The following NAT1 variants were observed in gnomAD, a reference collection of about 807,000 sequenced individuals.
NAT1 encodes the protein arylamine N-acetyltransferase 1.
For missense variants in NAT1, 400 were observed against 339.2 expected (o/e 1.18, Z -1.41); for synonymous variants, 144 against 122.6 (o/e 1.17, Z -1.16).
chr8:18,221,292 G>A (rs947931825), intron 2 of NAT1, among the ~76,000 whole-genome samples: 1 of 149,258 alleles, frequency 6.7e-6, no homozygotes, highest in Non-Finnish European at 1.5e-5. Context: ...AAATCTTAGC[G>A]AGTGTTTTTT....
chr8:18,205,607 C>T (rs1375925733), upstream of NAT1, among the ~76,000 whole-genome samples: 9 of 152,132 alleles, frequency 5.9e-5, no homozygotes, highest in Non-Finnish European at 1.0e-4. Context: ...TGGCAGGGCA[C>T]GGTGCACACA....
At chr8:18,187,509 A>AATACT (rs1365541945) in intron 2 of NAT1, among the ~76,000 whole-genome samples, 1 of 152,190 alleles carries the variant, frequency 6.6e-6, no homozygotes, top group African/African-American at 2.4e-5. Context: ...TACACCCTGG[A>AATACT]ATACTACGCA....
At chr8:18,218,183 A>G (rs891234645) in intron 1 of NAT1, among the ~76,000 whole-genome samples, 3 of 152,168 alleles carry the variant, frequency 2.0e-5, no homozygotes, top group Admixed American at 1.3e-4. Flanking sequence ...CCCGGCCACA[A>G]GACGATGTTT....
At chr8:18,188,696 C>CTTTTAGATAGATATTTAGA (rs1802845412) in intron 2 of NAT1, among the ~76,000 whole-genome samples, 1 of 150,530 alleles carries the variant, frequency 6.6e-6, no homozygotes, top group South Asian at 2.1e-4. Context: ...ATAGATATAC[C>CTTTTAGATAGATATTTAGA]TACTTTTAGA....
chr8:18,212,150 A>T (rs1228123804), intron 1 of NAT1: 3 of 152,230 alleles, frequency 2.0e-5, no homozygotes, highest in African/African-American at 7.2e-5. Context: ...GAGACCTGGA[A>T]TTGAACAATG....
chr8:18,174,036 G>C (rs1226700985), intron 2 of NAT1, among the ~76,000 whole-genome samples: 3 of 152,244 alleles, frequency 2.0e-5, no homozygotes, highest in Middle Eastern at 3.4e-3. Flanking sequence ...GTGTGTGTGA[G>C]TCATCCTCCT....
upstream of NAT1, among the ~76,000 whole-genome samples, chr8:18,207,911 T>G (rs184107223): frequency 4.0e-3 from 614 of 152,286 alleles, 4 homozygotes; most frequent in African/African-American, 0.014. Context: ...GTGGTACATA[T>G]AGACCATGGA....
intron 2 of NAT1, among the ~76,000 whole-genome samples, chr8:18,196,382 G>T (rs561747276): frequency 6.6e-6 from 1 of 151,972 alleles, no homozygotes; most frequent in South Asian, 2.1e-4. Flanking sequence ...GACAAAAGTA[G>T]GGATGAACAT....
chr8:18,195,192 T>G (rs971716368), intron 2 of NAT1, among the ~76,000 whole-genome samples: 1 of 152,230 alleles, frequency 6.6e-6, no homozygotes, highest in Non-Finnish European at 1.5e-5. Flanking sequence ...CTTCGCCATG[T>G]ATGCAGAATC....
At chr8:18,191,858 A>G (rs1184780453) in intron 2 of NAT1, among the ~76,000 whole-genome samples, 1 of 152,138 alleles carries the variant, frequency 6.6e-6, no homozygotes, top group Non-Finnish European at 1.5e-5. Flanking sequence ...TTAAAGACTT[A>G]AACATTAGAC....
intron 1 of NAT1, among the ~76,000 whole-genome samples, chr8:18,210,637 G>T (rs28359488): frequency 8.5e-4 from 130 of 152,260 alleles, no homozygotes; most frequent in African/African-American, 3.0e-3. Flanking sequence ...TGTCCCAAAG[G>T]ACCCAGTTAA....
Position 18,222,800 on chromosome 8 carries a change from T to C in NAT1, c.753T>C (p.Asp251=). 6.2e-7 allele frequency: 1 copy of C among 1,612,878 alleles called. No individual in the cohort carries two copies. The highest frequency in any genetic ancestry group is 8.5e-7 in the Non-Finnish European group (1 of 1,179,610). ...GATTCAATTATAAGGACAATACAGATCTAATAGAGTTCAAGACTCTGAGTG... is the reference window on the plus strand; with the variant it reads ...GATTCAATTATAAGGACAATACAGACCTAATAGAGTTCAAGACTCTGAGTG... ...HRRFNYKDNT[D]LIEFKTLSEE... Residue 251 remains aspartate, a synonymous_variant, in exon 3 of 3, where the codon GAT becomes GAC. Coordinates refer to ENST00000307719, the MANE Select transcript of NAT1 (RefSeq NM_000662.8).
chr8:18,221,601 C>T (rs1052262103), intron 2 of NAT1, among the ~76,000 whole-genome samples: 3 of 151,994 alleles, frequency 2.0e-5, no homozygotes, highest in Non-Finnish European at 2.9e-5. Context: ...GTTCTTTGAG[C>T]GGGAAACTTT....
chr8:18,194,148 A>G (rs868454811), intron 2 of NAT1, among the ~76,000 whole-genome samples: 6 of 152,082 alleles, frequency 3.9e-5, no homozygotes, highest in South Asian at 4.1e-4. Flanking sequence ...CTTTGTGTTC[A>G]CTGGAGGTGG....
chr8:18,187,822 T>A (rs549535537), intron 2 of NAT1, among the ~76,000 whole-genome samples: 1 of 152,106 alleles, frequency 6.6e-6, no homozygotes, highest in Admixed American at 6.5e-5. Flanking sequence ...TTTACCTATA[T>A]AACAAACCTG....
At chr8:18,204,593 T>C (rs1462698973) in intron 2 of NAT1, among the ~76,000 whole-genome samples, 2 of 152,188 alleles carry the variant, frequency 1.3e-5, no homozygotes, top group Non-Finnish European at 2.9e-5. Flanking sequence ...TCTGTTAATA[T>C]ACAAAAAATT....
At chr8:18,219,070 G>A (rs758945166) in intron 1 of NAT1, among the ~76,000 whole-genome samples, 1 of 152,158 alleles carries the variant, frequency 6.6e-6, no homozygotes, top group African/African-American at 2.4e-5. Flanking sequence ...TCATGGTAGT[G>A]ACTGGGGGCA....
chr8:18,191,964 G>A (rs1803009163), intron 2 of NAT1, among the ~76,000 whole-genome samples: 1 of 152,000 alleles, frequency 6.6e-6, no homozygotes, highest in Non-Finnish European at 1.5e-5. Flanking sequence ...AAAAGCAATG[G>A]CAACAAAAGC....
At chr8:18,181,772 C>G (rs2188024) in intron 2 of NAT1, among the ~76,000 whole-genome samples, 42,319 of 152,040 alleles carry the variant, frequency 0.28, 7,198 homozygotes, top group African/African-American at 0.48. Context: ...TTTGTTGAGA[C>G]ATTTCACCAT....
Sources: gnomAD v4.1 joint callset for allele counts (sites outside exome capture counted in the v4.1 genomes callset) on GRCh38, gnomAD v4.1.1 for gene constraint, MANE v1.5 for transcripts, NCBI Gene and HGNC (gene_info 2026-07-23, HGNC 2026-07-21) for gene names.